MAML3: variants seen among roughly 807,000 people sequenced by gnomAD.
The protein encoded by MAML3 is mastermind-like protein 3.
A neutral mutation model predicts 101.9 loss-of-function variants in MAML3; 27 were observed. The ratio of observed to expected loss-of-function variants is 0.27; its 90% CI spans 0.20 to 0.37. The LOEUF is 0.37. Ranked by LOEUF, MAML3 falls within the 10% of genes least tolerant of loss-of-function variation. The probability of loss-of-function intolerance (pLI) is 1.00; values close to 1 mark genes in which losing one functional copy is unlikely to be tolerated. For missense variants in MAML3, 1,316 were observed against 1,444.9 expected, an observed-to-expected ratio of 0.91 and a Z score of 1.45; for synonymous variants, 501 against 555.9, an observed-to-expected ratio of 0.90 and a Z score of 1.39.
At chr4:139,844,407 A>C (rs1401066857) in intron 2 of MAML3, among the ~76,000 whole-genome samples, 1 of 152,160 alleles carries the variant, frequency 6.6e-6, no homozygotes, top group Non-Finnish European at 1.5e-5. Flanking sequence ...CACTGTTTAG[A>C]TGTTGGTGGC....
chr4:139,855,068 G>A (rs1251660049), intron 2 of MAML3, among the ~76,000 whole-genome samples: 1 of 152,204 alleles, frequency 6.6e-6, no homozygotes, highest in Non-Finnish European at 1.5e-5. Flanking sequence ...GAGCCTGGGG[G>A]TGGCTCTGCA....
At chr4:139,789,174 T>C (rs1458653329) in intron 2 of MAML3, among the ~76,000 whole-genome samples, 1 of 152,182 alleles carries the variant, frequency 6.6e-6, no homozygotes, top group Non-Finnish European at 1.5e-5. Context: ...CTAGGTGTCA[T>C]AGGGTATACA....
intron 4 of MAML3, among the ~76,000 whole-genome samples, chr4:139,723,711 C>T (rs550189249): frequency 1.3e-5 from 2 of 152,236 alleles, no homozygotes; most frequent in Admixed American, 1.3e-4. Context: ...CCCTTTTCCC[C>T]CACAAATAAT....
chr4:139,750,019 G>A (rs1053513726), intron 2 of MAML3, among the ~76,000 whole-genome samples: 1 of 152,138 alleles, frequency 6.6e-6, no homozygotes, highest in African/African-American at 2.4e-5. Flanking sequence ...TAGAGTGACA[G>A]TGAATTTGAT....
intron 2 of MAML3, among the ~76,000 whole-genome samples, chr4:139,801,633 GGTGTGT>G (rs752176794): frequency 2.7e-5 from 4 of 146,394 alleles, no homozygotes; most frequent in African/African-American, 1.0e-4. Flanking sequence ...GCAGGAACAG[GGTGTGT>G]GTGGGTGTGT....
intron 1 of MAML3, among the ~76,000 whole-genome samples, chr4:139,992,686 T>C (rs1330908020): frequency 6.6e-6 from 1 of 152,132 alleles, no homozygotes; most frequent in African/African-American, 2.4e-5. Context: ...GCCTCCTGAG[T>C]AGCTAGGACT....
chr4:139,888,643 G>A (rs751847398), intron 2 of MAML3: 2 of 518,850 alleles, frequency 3.9e-6, no homozygotes, highest in Non-Finnish European at 7.7e-6. Flanking sequence ...CTCCCATGAA[G>A]GAGGACAGTG....
intron 1 of MAML3, among the ~76,000 whole-genome samples, chr4:140,060,370 A>AAAAAAAAAAAAAAAAAAAAC (rs1727425133): frequency 6.9e-6 from 1 of 144,794 alleles, no homozygotes; most frequent in African/African-American, 2.5e-5. Flanking sequence ...TGTCTCAAAA[A>AAAAAAAAAAAAAAAAAAAAC]AAAAAAAAAA....
At chr4:139,869,651 G>A (rs1190830586) in intron 2 of MAML3, among the ~76,000 whole-genome samples, 4 of 151,830 alleles carry the variant, frequency 2.6e-5, no homozygotes, top group African/African-American at 7.3e-5. Context: ...CCACCCCCGC[G>A]GCCAAACTCC....
intron 1 of MAML3, among the ~76,000 whole-genome samples, chr4:139,953,613 C>T (rs113050385): frequency 3.2e-4 from 48 of 152,182 alleles, no homozygotes; most frequent in African/African-American, 1.1e-3. Flanking sequence ...AGCGAGACTC[C>T]GTCTCATAAA....
intron 2 of MAML3, among the ~76,000 whole-genome samples, chr4:139,879,525 G>GAAA (rs5862443): frequency 5.5e-4 from 64 of 115,658 alleles, no homozygotes; most frequent in African/African-American, 2.0e-3. Flanking sequence ...GGCTCTGACT[G>GAAA]AAAAAAAAAA....
At chr4:140,090,959 A>C (rs1728034742) in intron 1 of MAML3, among the ~76,000 whole-genome samples, 1 of 152,220 alleles carries the variant, frequency 6.6e-6, no homozygotes, top group African/African-American at 2.4e-5. Flanking sequence ...CTGAGGCAGG[A>C]GAATCACTTG....
chr4:139,940,179 T>G (rs1482663081), intron 1 of MAML3, among the ~76,000 whole-genome samples: 1 of 152,238 alleles, frequency 6.6e-6, no homozygotes, highest in Non-Finnish European at 1.5e-5. Context: ...TTTTTAGGTG[T>G]ATCCTTACAG....
intron 2 of MAML3, among the ~76,000 whole-genome samples, chr4:139,797,668 G>A (rs890695124): frequency 6.6e-6 from 1 of 152,072 alleles, no homozygotes; most frequent in Non-Finnish European, 1.5e-5. Context: ...GAGGTAAATT[G>A]ATATGATGTT....
Position 140,042,514 on chromosome 4 carries a change from G to T in MAML3, c.468+110346C>A, listed in dbSNP as rs779163871. On this transcript the variant is annotated intron_variant, in intron 1 of 4. Coordinates refer to ENST00000509479, the MANE Select transcript of MAML3 (RefSeq NM_018717.5). ...CTGGGTGTGGTGGCAGGCACCTGTA[G>T]TCCCAGCTACTTGGGAGGCTGAGGC... Among the ~76,000 whole-genome samples the T allele has an allele frequency of 2.3e-4, 35 of 152,044 alleles. 1 individual carries two copies. The highest frequency in any genetic ancestry group is 4.1e-4 in the South Asian group (2 of 4,826).
At chr4:139,996,720 C>A (rs1734824108) in intron 1 of MAML3, among the ~76,000 whole-genome samples, 1 of 149,964 alleles carries the variant, frequency 6.7e-6, no homozygotes, top group Non-Finnish European at 1.5e-5. Flanking sequence ...TTAATCCAGT[C>A]TGACAATGTC....
chr4:139,869,758 A>G (rs1319301220), intron 2 of MAML3, among the ~76,000 whole-genome samples: 1 of 152,196 alleles, frequency 6.6e-6, no homozygotes, highest in Non-Finnish European at 1.5e-5. Context: ...AAAGAATTGC[A>G]ATTTGTTTTA....
intron 1 of MAML3, among the ~76,000 whole-genome samples, chr4:140,058,917 G>C (rs1727398103): frequency 6.6e-6 from 1 of 152,164 alleles, no homozygotes; most frequent in Non-Finnish European, 1.5e-5. Flanking sequence ...AGAAGAGTCT[G>C]GGGCTATGTT....
At chr4:140,130,631 T>C (rs1578700637) in intron 1 of MAML3, among the ~76,000 whole-genome samples, 2 of 152,288 alleles carry the variant, frequency 1.3e-5, no homozygotes, top group Non-Finnish European at 2.9e-5. Context: ...CACCATTGGG[T>C]AGCAGACGGA....
Sources: allele counts gnomAD v4.1 joint callset (sites outside exome capture counted in the v4.1 genomes callset), GRCh38; gene constraint gnomAD v4.1.1; transcripts MANE v1.5; gene names NCBI Gene and HGNC (gene_info 2026-07-23, HGNC 2026-07-21).